The following PSMB7 variants were observed in gnomAD, a reference collection of about 807,000 sequenced individuals.
The protein encoded by PSMB7 is proteasome 20S subunit beta 7, also known as proteasome subunit beta type-7.
A neutral mutation model predicts 28.1 loss-of-function variants in PSMB7; 5 were observed. That is an observed-to-expected ratio of 0.18 (90% CI 0.09 to 0.37). PSMB7 has a LOEUF of 0.37. Ranked by LOEUF, PSMB7 falls within the 10% of genes least tolerant of loss-of-function variation. The pLI, the probability that PSMB7 is intolerant of heterozygous loss-of-function variation, is 1.00. For missense variants in PSMB7, 275 were observed against 346.2 expected, an observed-to-expected ratio of 0.79 and a Z score of 1.63; for synonymous variants, 122 against 123.7, an observed-to-expected ratio of 0.99 and a Z score of 0.09.
intron 4 of PSMB7, among the ~76,000 whole-genome samples, chr9:124,408,011 A>C (rs540152481): frequency 2.6e-4 from 39 of 152,268 alleles, no homozygotes; most frequent in Non-Finnish European, 4.1e-4. Flanking sequence ...ACACAACAAA[A>C]AATTAGACAA....
At chr9:124,355,611 G>A (rs537826716) in intron 7 of PSMB7, among the ~76,000 whole-genome samples, 34 of 152,302 alleles carry the variant, frequency 2.2e-4, no homozygotes, top group Admixed American at 9.1e-4. Context: ...GGCAAAGCCC[G>A]GTTCCCCAAC....
At chr9:124,383,175 T>C (rs1270200234) in intron 6 of PSMB7, among the ~76,000 whole-genome samples, 1 of 152,220 alleles carries the variant, frequency 6.6e-6, no homozygotes, top group East Asian at 1.9e-4. Context: ...TTTCTCTGTA[T>C]TTAAGAAGGC....
intron 4 of PSMB7, among the ~76,000 whole-genome samples, chr9:124,407,476 C>A (rs1361408534): frequency 2.0e-5 from 3 of 152,182 alleles, no homozygotes; most frequent in African/African-American, 7.2e-5. Flanking sequence ...AGAGAAGCCA[C>A]AATCGCCAGT....
chr9:124,361,101 A>G (rs1246006970), intron 6 of PSMB7, among the ~76,000 whole-genome samples: 2 of 152,188 alleles, frequency 1.3e-5, no homozygotes, highest in African/African-American at 2.4e-5. Flanking sequence ...CATACTCCCT[A>G]AAGTTCAGAA....
chr9:124,410,968 T>C (rs1831022144), intron 4 of PSMB7, among the ~76,000 whole-genome samples: 1 of 152,032 alleles, frequency 6.6e-6, no homozygotes, highest in South Asian at 2.1e-4. Flanking sequence ...GACAGAAATC[T>C]AGACTTTTTT....
intron 6 of PSMB7, among the ~76,000 whole-genome samples, chr9:124,361,028 T>C (rs1830461580): frequency 6.6e-6 from 1 of 152,184 alleles, no homozygotes; most frequent in Non-Finnish European, 1.5e-5. Context: ...CAAAGAAACC[T>C]GCTGACAAAT....
chr9:124,377,686 A>C (rs926163522), intron 6 of PSMB7, among the ~76,000 whole-genome samples: 1 of 152,238 alleles, frequency 6.6e-6, no homozygotes, highest in Non-Finnish European at 1.5e-5. Context: ...CATCTTTAGC[A>C]ATCTATAAGG....
chr9:124,387,116 G>A (rs1830730853), intron 5 of PSMB7, among the ~76,000 whole-genome samples: 1 of 152,072 alleles, frequency 6.6e-6, no homozygotes, highest in Non-Finnish European at 1.5e-5. Flanking sequence ...CATGGTGGTG[G>A]GCGCCTGTAG....
intron 6 of PSMB7, 40 bp downstream of exon 6, chr9:124,384,558 A>G (rs1447569856): frequency 6.4e-7 from 1 of 1,573,754 alleles, no homozygotes; most frequent in Admixed American, 1.8e-5. Context: ...AAAACCAGAA[A>G]AATCTTTGAA....
intron 3 of PSMB7, among the ~76,000 whole-genome samples, 200 bp from the exon 4 acceptor site, chr9:124,412,692 T>C (rs1047922867): frequency 1.1e-4 from 16 of 152,228 alleles, no homozygotes; most frequent in Non-Finnish European, 1.9e-4. Context: ...GCAAATACAT[T>C]ATCTATGGCC....
intron 2 of PSMB7, among the ~76,000 whole-genome samples, 190 bp downstream of exon 2, chr9:124,414,652 T>G (rs1588585348): frequency 6.7e-6 from 1 of 148,870 alleles, no homozygotes; most frequent in African/African-American, 2.5e-5. Flanking sequence ...CTCAGCAAAG[T>G]GAGGAAAGAA....
At chr9:124,415,316 C>T (rs1006414085) in intron 1 of PSMB7, 48 bp downstream of exon 1, 1 of 1,584,078 alleles carries the variant, frequency 6.3e-7, no homozygotes, top group Non-Finnish European at 8.7e-7. Flanking sequence ...CCCACCCGAG[C>T]ACCGCACTCT....
chr9:124,380,707 C>T (rs1054335149), intron 6 of PSMB7, among the ~76,000 whole-genome samples: 2 of 152,140 alleles, frequency 1.3e-5, no homozygotes, highest in Admixed American at 6.5e-5. Flanking sequence ...GTAAAGGAAA[C>T]GTTCTCTATC....
At chr9:124,397,523 G>T (rs995956796) in intron 5 of PSMB7, among the ~76,000 whole-genome samples, 2 of 152,162 alleles carry the variant, frequency 1.3e-5, no homozygotes, top group South Asian at 4.1e-4. Context: ...GCCTTCAGGC[G>T]CCTGGCTAGT....
chr9:124,356,659 C>T lies in PSMB7; in HGVS notation c.722+105G>A. ...GGTTGATTTGGGAACACTGGATGTA[C>T]TTAATGTGGAAAGAACCAGGAAAAC... On this transcript the variant is annotated intron_variant, in intron 7 of 7. Transcript: ENST00000259457. This position sits in a 1 kb window ranked among gnomAD's most constrained non-coding sequence, Gnocchi z 4.4. 1 of 1,334,474 alleles carries T rather than the reference C, an allele frequency of 7.5e-7. No individual in the cohort carries two copies. Among genetic ancestry groups the T allele is most frequent in the Non-Finnish European group, 1.0e-6 (1 of 967,892 alleles). 82.7% of individuals were successfully genotyped at this position (1,334,474 alleles called of 1,614,324 possible). A position where few individuals can be genotyped will look rare whatever the true frequency, so the allele number is the denominator to read the frequency against.
intron 6 of PSMB7, chr9:124,383,869 G>A (rs1291314559): frequency 1.3e-5 from 2 of 152,200 alleles, no homozygotes; most frequent in African/African-American, 4.8e-5. Context: ...TAGTGCCGTG[G>A]AGGAGTAACG....
intron 4 of PSMB7, among the ~76,000 whole-genome samples, chr9:124,410,991 T>C (rs531546695): frequency 2.0e-5 from 3 of 152,272 alleles, no homozygotes; most frequent in Non-Finnish European, 4.4e-5. Context: ...TTTCTTTTTT[T>C]TTGAGACGGA....
intron 7 of PSMB7, among the ~76,000 whole-genome samples, chr9:124,354,187 C>A (rs1041334555): frequency 6.6e-6 from 1 of 152,216 alleles, no homozygotes; most frequent in Non-Finnish European, 1.5e-5. Context: ...AAATGTGCAG[C>A]CAGACTCTGG....
At chr9:124,395,457 C>T (rs774762342) in intron 5 of PSMB7, among the ~76,000 whole-genome samples, 6 of 152,086 alleles carry the variant, frequency 3.9e-5, no homozygotes, top group Non-Finnish European at 8.8e-5. Flanking sequence ...CACACCACTG[C>T]ATTTCAGCCT....
Sources: gnomAD v4.1 joint callset for allele counts (sites outside exome capture counted in the v4.1 genomes callset) on GRCh38, gnomAD v4.1.1 for gene constraint, Gnocchi (gnomAD v3.1) non-coding constraint, MANE v1.5 for transcripts, NCBI Gene and HGNC (gene_info 2026-07-23, HGNC 2026-07-21) for gene names.